The following PHKB variants were observed in gnomAD, a reference collection of about 807,000 sequenced individuals.
PHKB encodes phosphorylase kinase regulatory subunit beta.
In PHKB, 122 loss-of-function variants were observed where a neutral mutation model predicts 152.1. The observed-to-expected ratio is 0.80, with a 90% confidence interval of 0.69 to 0.93. PHKB has a LOEUF of 0.93. Among genes scored for constraint, PHKB ranks in the 40% least tolerant of loss-of-function variants. The pLI, the probability that PHKB is intolerant of heterozygous loss-of-function variation, is 0.00. For synonymous variants in PHKB, 436 were observed against 464.9 expected, an observed-to-expected ratio of 0.94 and a Z score of 0.80; for missense variants, 1,304 against 1,328.4, an observed-to-expected ratio of 0.98 and a Z score of 0.29.
intron 4 of PHKB, among the ~76,000 whole-genome samples, chr16:47,510,388 A>G (rs1324266580): frequency 1.3e-5 from 2 of 152,134 alleles, no homozygotes; most frequent in Non-Finnish European, 2.9e-5. Context: ...TCAGTCCCCC[A>G]TCTTGAAGCT....
intron 2 of PHKB, 128 bp from the exon 3 acceptor site, chr16:47,499,628 T>C: frequency 9.5e-7 from 1 of 1,054,018 alleles, no homozygotes; most frequent in Admixed American, 1.7e-5. Flanking sequence ...TCAGAAGTAT[T>C]GTACTATAGC....
chr16:47,628,184 G>T (rs1972745105), intron 14 of PHKB, among the ~76,000 whole-genome samples: 1 of 151,962 alleles, frequency 6.6e-6, no homozygotes, highest in Non-Finnish European at 1.5e-5. Flanking sequence ...TTCAATAAAA[G>T]ACCTATGTAA....
chr16:47,512,164 A>C (rs1393203017), intron 5 of PHKB, among the ~76,000 whole-genome samples: 1 of 152,184 alleles, frequency 6.6e-6, no homozygotes, highest in African/African-American at 2.4e-5. Flanking sequence ...GCCCTGTCAT[A>C]GAAGATTTGA....
intron 7 of PHKB, chr16:47,566,873 C>A (rs1971578316): frequency 2.9e-6 from 2 of 697,878 alleles, no homozygotes; most frequent in Non-Finnish European, 5.3e-6. Context: ...CCTTCTTATT[C>A]TTCTTTTTTG....
At chr16:47,592,489 T>TA (rs1236390401) in intron 10 of PHKB, among the ~76,000 whole-genome samples, 1 of 152,264 alleles carries the variant, frequency 6.6e-6, no homozygotes, top group African/African-American at 2.4e-5. Flanking sequence ...TTGTAACTGT[T>TA]ACTTCCTTTG....
chr16:47,546,772 C>T (rs1435055656), intron 6 of PHKB, among the ~76,000 whole-genome samples: 1 of 152,070 alleles, frequency 6.6e-6, no homozygotes, highest in Admixed American at 6.5e-5. Flanking sequence ...CCTATAGCTT[C>T]CTGGCTGCTT....
At chr16:47,516,397 A>C (rs116923583) in intron 6 of PHKB, among the ~76,000 whole-genome samples, 3,066 of 152,340 alleles carry the variant, frequency 0.02, 40 homozygotes, top group Non-Finnish European at 0.034. Context: ...TAAAGAATTC[A>C]TATCCCAAAG....
At chr16:47,621,397 G>A (rs577795339) in intron 14 of PHKB, among the ~76,000 whole-genome samples, 28 of 152,222 alleles carry the variant, frequency 1.8e-4, no homozygotes, top group Admixed American at 2.6e-4. Flanking sequence ...GACTTGTAGC[G>A]ATTTCCCTTT....
intron 26 of PHKB, among the ~76,000 whole-genome samples, chr16:47,683,641 G>A (rs369645331): frequency 1.2e-4 from 19 of 152,282 alleles, no homozygotes; most frequent in African/African-American, 3.9e-4. Context: ...GGAGTGACCC[G>A]ATTTTCCAGG....
At chr16:47,665,146 G>A in intron 25 of PHKB, 171 bp downstream of exon 25, 1 of 617,702 alleles carries the variant, frequency 1.6e-6, no homozygotes, top group South Asian at 1.9e-5. Flanking sequence ...TTTTCTTTTA[G>A]TCATCTATGT....
intron 14 of PHKB, among the ~76,000 whole-genome samples, chr16:47,616,744 G>C (rs1026817402): frequency 1.3e-5 from 2 of 151,146 alleles, no homozygotes; most frequent in African/African-American, 4.9e-5. Context: ...GGTGCTAGAG[G>C]AATTAAAGAC....
intron 1 of PHKB, among the ~76,000 whole-genome samples, chr16:47,468,051 C>T (rs1277300631): frequency 1.3e-5 from 2 of 152,152 alleles, no homozygotes; most frequent in Non-Finnish European, 2.9e-5. Context: ...ATTATTCTTC[C>T]AGCTACTCAA....
chr16:47,695,575 T>A (rs1046941271), intron 28 of PHKB, among the ~76,000 whole-genome samples: 1 of 152,204 alleles, frequency 6.6e-6, no homozygotes, highest in Non-Finnish European at 1.5e-5. Flanking sequence ...GAGTGGTAAG[T>A]AGATAGACAT....
rs376612892 is a variant in PHKB at position 47,661,702 on chromosome 16, G to A, written c.2197-17G>A. The A allele has an allele frequency of 1.7e-4, 264 of 1,582,534 alleles. No individual in the cohort carries two copies. Among genetic ancestry groups the A allele is most frequent in the South Asian group, 2.3e-4 (21 of 90,480 alleles). Reference sequence around the variant, plus strand: ...ACCCATTTCATTCCAGTTCCTCACCGTGATTTATATTTTCAGGATTGCAGT... The same window carrying A: ...ACCCATTTCATTCCAGTTCCTCACCATGATTTATATTTTCAGGATTGCAGT... On this transcript the variant is annotated splice_polypyrimidine_tract_variant and intron_variant, in intron 22 of 30. Coordinates refer to ENST00000323584, the MANE Select transcript of PHKB (RefSeq NM_000293.3).
At chr16:47,657,164 G>A (rs963219416) in intron 20 of PHKB, among the ~76,000 whole-genome samples, 2 of 151,854 alleles carry the variant, frequency 1.3e-5, no homozygotes, top group Non-Finnish European at 2.9e-5. Flanking sequence ...TGCCTGCCTC[G>A]CTCTGTGGTT....
At chr16:47,550,708 T>C (rs1597077648) in intron 7 of PHKB, among the ~76,000 whole-genome samples, 1 of 152,076 alleles carries the variant, frequency 6.6e-6, no homozygotes, top group South Asian at 2.1e-4. Flanking sequence ...TTATTGGCTG[T>C]TACGAGGATG....
chr16:47,514,188 T>C (rs1258233880), intron 5 of PHKB, among the ~76,000 whole-genome samples: 3 of 149,446 alleles, frequency 2.0e-5, no homozygotes, highest in Admixed American at 6.6e-5. Flanking sequence ...GGGACAGAAC[T>C]AATAGGTGGA....
At chr16:47,547,283 C>T in intron 6 of PHKB, 150 bp from the exon 7 acceptor site, 1 of 635,942 alleles carries the variant, frequency 1.6e-6, no homozygotes, top group South Asian at 1.8e-5. Context: ...TGAGTTTCTG[C>T]ATGTTGGTCA....
rs556005956 is a variant in PHKB, at chr16:47,475,001, G to A, written c.76+13575G>A. ...AGCCTCCCAGAGTGCTGGTATTACA[G>A]GTGTGTGCCACTGCGCCTGGACTAT... On this transcript the variant is annotated intron_variant, in intron 1 of 30. Transcript: ENST00000323584. 8.5e-4 allele frequency among the ~76,000 whole-genome samples: 130 copies of A among 152,328 alleles called. 1 individual carries two copies. The highest frequency in any genetic ancestry group is 3.0e-3 in the African/African-American group (124 of 41,570).
Sources: allele counts gnomAD v4.1 joint callset (sites outside exome capture counted in the v4.1 genomes callset), GRCh38; gene constraint gnomAD v4.1.1; transcripts MANE v1.5; gene names NCBI Gene and HGNC (gene_info 2026-07-23, HGNC 2026-07-21).